The following MAP3K5 variants were observed in gnomAD, a reference collection of about 807,000 sequenced individuals.
The protein encoded by MAP3K5 is ASK-1.
In MAP3K5, 56 loss-of-function variants were observed where a neutral mutation model predicts 158.7. The observed-to-expected ratio is 0.35, with a 90% CI of 0.28 to 0.44. MAP3K5 has a LOEUF of 0.44. MAP3K5 is among the 20% of genes least tolerant of loss of function. MAP3K5 has a pLI of 1.00. For synonymous variants in MAP3K5, 579 were observed against 601.7 expected, an observed-to-expected ratio of 0.96 and a Z score of 0.55; for missense variants, 1,294 against 1,674.8, an observed-to-expected ratio of 0.77 and a Z score of 3.97.
chr6:136,626,815 TATC>T (rs1218027794), intron 14 of MAP3K5, among the ~76,000 whole-genome samples: 2 of 127,008 alleles, frequency 1.6e-5, no homozygotes, highest in Non-Finnish European at 3.0e-5. Flanking sequence ...CCACCTCACT[TATC>T]ATCATAAGCA....
At chr6:136,785,476 T>C (rs1784804672) in intron 1 of MAP3K5, among the ~76,000 whole-genome samples, 1 of 152,170 alleles carries the variant, frequency 6.6e-6, no homozygotes, top group Non-Finnish European at 1.5e-5. Flanking sequence ...CCCGGGCGGA[T>C]GTGAAGGCTG....
chr6:136,771,372 T>C (rs1241304268), intron 1 of MAP3K5, among the ~76,000 whole-genome samples: 1 of 152,046 alleles, frequency 6.6e-6, no homozygotes, highest in Non-Finnish European at 1.5e-5. Flanking sequence ...CCGGACCAGA[T>C]TGAGGACTAG....
chr6:136,565,672 G>A (rs1462154120), intron 26 of MAP3K5, among the ~76,000 whole-genome samples: 1 of 152,158 alleles, frequency 6.6e-6, no homozygotes, highest in Non-Finnish European at 1.5e-5. Flanking sequence ...TTTTGCGGTA[G>A]GTATGCCTTT....
intron 14 of MAP3K5, among the ~76,000 whole-genome samples, chr6:136,632,541 G>A (rs1777421795): frequency 6.6e-6 from 1 of 152,104 alleles, no homozygotes; most frequent in Admixed American, 6.5e-5. Context: ...AGCATCAAAG[G>A]TTTTTAATCT....
chr6:136,679,526 GA>G (rs1292424521), intron 7 of MAP3K5, among the ~76,000 whole-genome samples: 1 of 152,122 alleles, frequency 6.6e-6, no homozygotes, highest in African/African-American at 2.4e-5. Flanking sequence ...AACTAATGCT[GA>G]ATCACCCTGC....
Position 136,737,037 on chromosome 6 carries a change from G to GTGTATATATATATA in MAP3K5, c.449-16449_449-16448insTATATATATATACA, listed in dbSNP as rs759947051. On this transcript the variant is annotated intron_variant, in intron 1 of 29. Coordinates refer to ENST00000359015, the MANE Select transcript of MAP3K5 (RefSeq NM_005923.4). ...TAATTTTACATATATATATGTGTGT[G>GTGTATATATATATA]TATATATATATATATATATAAACTT... Among the ~76,000 whole-genome samples, 112 of 126,958 alleles carry GTGTATATATATATA rather than the reference G, an allele frequency of 8.8e-4. 2 individuals are homozygous for GTGTATATATATATA. Among genetic ancestry groups the GTGTATATATATATA allele is most frequent in the African/African-American group, 3.6e-3 (95 of 26,438 alleles). 83.3% of individuals were successfully genotyped at this position (126,958 alleles called of 152,430 possible).
At chr6:136,582,797 T>C (rs1774948613) in intron 24 of MAP3K5, among the ~76,000 whole-genome samples, 1 of 152,208 alleles carries the variant, frequency 6.6e-6, no homozygotes, top group Non-Finnish European at 1.5e-5. Flanking sequence ...TCAAGAACCC[T>C]CTTATTTCAG....
intron 25 of MAP3K5, among the ~76,000 whole-genome samples, chr6:136,576,086 T>C (rs1774603398): frequency 6.6e-6 from 1 of 152,204 alleles, no homozygotes; most frequent in African/African-American, 2.4e-5. Context: ...AAAAAGGTGA[T>C]CTTTCTCGTC....
chr6:136,719,511 T>C (rs569278567), intron 2 of MAP3K5, among the ~76,000 whole-genome samples: 27 of 152,326 alleles, frequency 1.8e-4, no homozygotes, highest in South Asian at 1.4e-3. Flanking sequence ...GCCTGGCATG[T>C]AGTAGGTATG....
chr6:136,735,244 C>T (rs748106459), intron 1 of MAP3K5, among the ~76,000 whole-genome samples: 2 of 152,102 alleles, frequency 1.3e-5, no homozygotes, highest in African/African-American at 2.4e-5. Context: ...AAAACTTAGA[C>T]TCTAGAAAAT....
Position 136,669,470 on chromosome 6 carries a change from A to G in MAP3K5, c.1254-75T>C, listed in dbSNP as rs141432136. ...TGGGTGTGTAATAGCTTCTGTTTGT[A>G]TAACTCCAATGCCTGAGCAAGTAAA... On this transcript the variant is annotated intron_variant, in intron 7 of 29. Transcript: ENST00000359015. 1.0e-3 allele frequency: 838 copies of G among 822,640 alleles called. 8 individuals are homozygous for G. The African/African-American group carries it at 0.011, about 11-fold the overall frequency. 51.0% of individuals were successfully genotyped at this position (822,640 alleles called of 1,614,324 possible). A position where few individuals can be genotyped will look rare whatever the true frequency, so the allele number is the denominator to read the frequency against.
intron 8 of MAP3K5, among the ~76,000 whole-genome samples, chr6:136,662,376 T>C (rs977744960): frequency 6.6e-6 from 1 of 152,262 alleles, no homozygotes; most frequent in African/African-American, 2.4e-5. Context: ...CATGTTTGTA[T>C]TTCTTTTGTG....
At chr6:136,692,656 C>T (rs1780436598) in intron 7 of MAP3K5, among the ~76,000 whole-genome samples, 1 of 152,204 alleles carries the variant, frequency 6.6e-6, no homozygotes, top group African/African-American at 2.4e-5. Context: ...CCAAAAGCTA[C>T]TACTTTGATG....
chr6:136,778,611 G>C (rs1319349041), intron 1 of MAP3K5, among the ~76,000 whole-genome samples: 4 of 152,176 alleles, frequency 2.6e-5, no homozygotes, highest in Admixed American at 2.6e-4. Flanking sequence ...CTGCTGATGT[G>C]ATGCCTGTAA....
chr6:136,595,018 A>T (rs1215299438), intron 21 of MAP3K5, among the ~76,000 whole-genome samples: 2 of 152,306 alleles, frequency 1.3e-5, no homozygotes, highest in East Asian at 3.9e-4. Context: ...ATGCTTAAGG[A>T]TGGAACCGAG....
chr6:136,558,948 T>G (rs776889803), intron 28 of MAP3K5, 72 bp from the exon 29 acceptor site: 109 of 769,372 alleles, frequency 1.4e-4, no homozygotes, highest in Non-Finnish European at 2.2e-4. Flanking sequence ...CTATTCATAA[T>G]GTAAACCTTG....
At chr6:136,755,307 C>T (rs956549121) in intron 1 of MAP3K5, among the ~76,000 whole-genome samples, 3 of 152,094 alleles carry the variant, frequency 2.0e-5, no homozygotes, top group Admixed American at 1.3e-4. Context: ...TCCCTGTTTC[C>T]GCCACCCCAA....
chr6:136,680,061 C>CAT (rs1388857399), intron 7 of MAP3K5, among the ~76,000 whole-genome samples: 1 of 152,036 alleles, frequency 6.6e-6, no homozygotes, highest in African/African-American at 2.4e-5. Context: ...CACACACACA[C>CAT]ACACACACAC....
intron 7 of MAP3K5, 55 bp from the exon 8 acceptor site, chr6:136,669,450 G>T: frequency 1.0e-6 from 1 of 986,360 alleles, no homozygotes; most frequent in Non-Finnish European, 1.6e-6. Context: ...AACCCTGGGT[G>T]TGTAATAGCT....
Sources: allele counts gnomAD v4.1 joint callset (sites outside exome capture counted in the v4.1 genomes callset), GRCh38; gene constraint gnomAD v4.1.1; transcripts MANE v1.5; gene names NCBI Gene and HGNC (gene_info 2026-07-23, HGNC 2026-07-21).